MTHFD2L: variants seen among roughly 807,000 people sequenced by gnomAD.
The protein encoded by MTHFD2L is methylenetetrahydrofolate dehydrogenase (NADP+ dependent) 2 like, also known as bifunctional methylenetetrahydrofolate dehydrogenase/cyclohydrolase 2, mitochondrial.
Under a neutral mutation model 34.9 loss-of-function variants are expected in MTHFD2L, and 29 were observed. The observed-to-expected ratio is 0.83, with a 90% confidence interval of 0.62 to 1.13. The LOEUF (loss-of-function observed/expected upper bound fraction) is 1.13, where lower values mean the gene tolerates loss of function less well. Among genes scored for constraint, MTHFD2L ranks in the 50% most tolerant of loss-of-function variants. The probability of loss-of-function intolerance (pLI) is 0.00; values close to 1 mark genes in which losing one functional copy is unlikely to be tolerated. For missense variants in MTHFD2L, 481 were observed against 446.5 expected (o/e 1.08, Z -0.70); for synonymous variants, 167 against 155.7 (o/e 1.07, Z -0.54).
chr4:74,128,074 T>A lies in MTHFD2L; in HGVS notation c.-297+2557T>A, dbSNP rs1722205805. Among the ~76,000 whole-genome samples, 3 of 152,118 alleles carry A rather than the reference T, an allele frequency of 2.0e-5. No homozygotes were observed. In the South Asian group the frequency reaches 6.2e-4, roughly 32 times the overall value. ...TTTGAGAAATGTCTGTTCAGATCTG[T>A]TGTCCGTTTTAAAATCAGATTATTT... is the stretch of plus-strand genomic sequence containing the variant. On this transcript the variant is annotated intron_variant, in intron 1 of 7. Coordinates refer to the MTHFD2L transcript ENST00000433372.
intron 7 of MTHFD2L, among the ~76,000 whole-genome samples, 157 bp from the exon 8 acceptor site, chr4:74,301,532 CGTGTGTGT>C (rs72168468): frequency 6.8e-6 from 1 of 146,060 alleles, no homozygotes; most frequent in East Asian, 2.0e-4. Flanking sequence ...TGAGTGTGAG[CGTGTGTGT>C]GTGTGTGTGT....
intron 7 of MTHFD2L, among the ~76,000 whole-genome samples, chr4:74,289,757 T>C (rs934656794): frequency 7.2e-5 from 11 of 152,034 alleles, no homozygotes; most frequent in Non-Finnish European, 1.6e-4. Context: ...GTTGGAATGA[T>C]TGGTTAAACA....
intron 6 of MTHFD2L, among the ~76,000 whole-genome samples, chr4:74,271,564 G>T (rs969041894): frequency 3.3e-5 from 5 of 152,106 alleles, no homozygotes; most frequent in Admixed American, 2.6e-4. Context: ...TGCTGTTTTG[G>T]TTACTGTAGC....
At chr4:74,267,119 T>C in intron 6 of MTHFD2L, 3 of 985,330 alleles carry the variant, frequency 3.0e-6, no homozygotes, top group Non-Finnish European at 3.6e-6. Flanking sequence ...AAATAAATGT[T>C]TCTAAAATGT....
intron 1 of MTHFD2L, among the ~76,000 whole-genome samples, chr4:74,130,771 C>CA (rs1722432840): frequency 6.6e-6 from 1 of 152,080 alleles, no homozygotes; most frequent in Admixed American, 6.6e-5. Flanking sequence ...AAAGGGTATT[C>CA]AAATAGGAAT....
chr4:74,229,512 T>C (rs1300069838), intron 6 of MTHFD2L, among the ~76,000 whole-genome samples: 1 of 152,128 alleles, frequency 6.6e-6, no homozygotes, highest in Non-Finnish European at 1.5e-5. Context: ...GCGTGATATA[T>C]ATCAGAAAGA....
intron 3 of MTHFD2L, among the ~76,000 whole-genome samples, chr4:74,177,984 A>G (rs1203204827): frequency 6.6e-6 from 1 of 152,032 alleles, no homozygotes; most frequent in Non-Finnish European, 1.5e-5. Flanking sequence ...TATACTAAGT[A>G]GAATGAGCTA....
At chr4:74,207,482 C>T (rs956812129) in intron 5 of MTHFD2L, among the ~76,000 whole-genome samples, 2 of 152,138 alleles carry the variant, frequency 1.3e-5, no homozygotes, top group African/African-American at 2.4e-5. Context: ...ATCTGGGAAA[C>T]ACTGTGGGAT....
At chr4:74,160,622 T>C (rs1208947362) in intron 1 of MTHFD2L, 1 of 152,256 alleles carries the variant, frequency 6.6e-6, no homozygotes, top group African/African-American at 2.4e-5. Context: ...AATAAGCCCT[T>C]GTTGCAGCTT....
At chr4:74,232,435 T>C (rs965236073) in intron 6 of MTHFD2L, among the ~76,000 whole-genome samples, 1 of 152,106 alleles carries the variant, frequency 6.6e-6, no homozygotes, top group African/African-American at 2.4e-5. Flanking sequence ...CCAGTCTCCC[T>C]CTCTCTCTGT....
At chr4:74,301,072 C>T (rs900522335) in intron 7 of MTHFD2L, among the ~76,000 whole-genome samples, 5 of 152,042 alleles carry the variant, frequency 3.3e-5, no homozygotes, top group African/African-American at 1.2e-4. Context: ...ATAGTTCCCA[C>T]TGAATCTGTA....
chr4:74,176,465 G>A (rs1208188659), intron 3 of MTHFD2L, among the ~76,000 whole-genome samples: 2 of 151,916 alleles, frequency 1.3e-5, no homozygotes, highest in East Asian at 3.9e-4. Flanking sequence ...CACTTTTATA[G>A]GCTAATCCCC....
rs189251956 is a variant in MTHFD2L at position 74,222,865 on chromosome 4, G to A, written c.713-2437G>A. On this transcript the variant is annotated intron_variant, in intron 5 of 7. Coordinates refer to ENST00000325278, the MANE Select transcript of MTHFD2L (RefSeq NM_001144978.3). ...CATTTTTTTACATGAATCATTTGTA[G>A]ATACACAATGAGATACCATCATCTC... 2.0e-5 allele frequency among the ~76,000 whole-genome samples: 3 copies of A among 152,038 alleles called. No individual in the cohort carries two copies. In the East Asian group the frequency reaches 5.8e-4, roughly 29 times the overall value.
intron 1 of MTHFD2L, among the ~76,000 whole-genome samples, chr4:74,142,898 G>A (rs1038423620): frequency 3.3e-5 from 5 of 152,162 alleles, no homozygotes; most frequent in African/African-American, 1.2e-4. Context: ...TGCCACTCGA[G>A]TAATCTTTCT....
At chr4:74,251,189 A>C (rs1030941720) in intron 6 of MTHFD2L, among the ~76,000 whole-genome samples, 2 of 152,142 alleles carry the variant, frequency 1.3e-5, no homozygotes, top group Non-Finnish European at 2.9e-5. Flanking sequence ...TGTCATGTTC[A>C]TTTCTCCAAA....
intron 6 of MTHFD2L, among the ~76,000 whole-genome samples, chr4:74,233,329 G>A (rs1414724764): frequency 6.6e-6 from 1 of 152,080 alleles, no homozygotes; most frequent in African/African-American, 2.4e-5. Flanking sequence ...CAAAAGAAAC[G>A]TGGTCTTTAA....
At position 74,281,541 on chromosome 4, in the gene MTHFD2L, G is replaced by A. The variant is rs1747482307; in HGVS notation, c.922G>A (p.Asp308Asn). 1 of 1,611,738 alleles carries A rather than the reference G, an allele frequency of 6.2e-7. No homozygotes were observed. Among genetic ancestry groups the A allele is most frequent in the Non-Finnish European group, 8.5e-7 (1 of 1,178,804 alleles). The change falls in exon 7 of 8, where the codon GAC becomes AAC. Residue 308 changes from aspartate to asparagine, a missense_variant. Transcript: ENST00000325278. ...TGKTKLVGDV[D>N]FEAVKKKAGF... ...AAAGACAAAATTAGTTGGAGATGTG[G>A]ACTTCGAAGGTAATAAACCAATATC...
chr4:74,274,105 G>C (rs1746326386), intron 6 of MTHFD2L, among the ~76,000 whole-genome samples: 1 of 151,936 alleles, frequency 6.6e-6, no homozygotes, highest in Non-Finnish European at 1.5e-5. Context: ...ACCTCCTTCA[G>C]CTTCCCAAAG....
chr4:74,164,463 TAAAC>T (rs1231214480), intron 1 of MTHFD2L, among the ~76,000 whole-genome samples: 1 of 152,184 alleles, frequency 6.6e-6, no homozygotes, highest in Admixed American at 6.5e-5. Context: ...GAAGTACAAG[TAAAC>T]AAGCCCATGG....
Sources: gnomAD v4.1 joint callset for allele counts (sites outside exome capture counted in the v4.1 genomes callset) on GRCh38, gnomAD v4.1.1 for gene constraint, MANE v1.5 for transcripts, NCBI Gene and HGNC (gene_info 2026-07-23, HGNC 2026-07-21) for gene names.